Variants in LCOR observed in about 807,000 individuals in gnomAD.
LCOR encodes ligand dependent nuclear receptor corepressor.
In LCOR, 14 loss-of-function variants were observed where a neutral mutation model predicts 64.4. The ratio of observed to expected loss-of-function variants is 0.22; its 90% CI spans 0.14 to 0.34. The LOEUF (loss-of-function observed/expected upper bound fraction) is 0.34. Ranked by LOEUF, LCOR falls within the 10% of genes least tolerant of loss-of-function variation. The pLI is 1.00. For missense variants in LCOR, 1,686 were observed against 1,765.3 expected, an observed-to-expected ratio of 0.96 and a Z score of 0.80; for synonymous variants, 643 against 642.5, an observed-to-expected ratio of 1.00 and a Z score of -0.01.
At chr10:96,877,159 C>CCATTG (rs1463163941) in intron 2 of LCOR, among the ~76,000 whole-genome samples, 2 of 152,042 alleles carry the variant, frequency 1.3e-5, no homozygotes, top group Admixed American at 6.6e-5. Flanking sequence ...GGAAAATAAA[C>CCATTG]TATCTTAAAA....
intron 4 of LCOR, among the ~76,000 whole-genome samples, chr10:96,918,939 CAA>C (rs375420112): frequency 6.6e-6 from 1 of 151,998 alleles, no homozygotes; most frequent in South Asian, 2.1e-4. Flanking sequence ...ACATCAGCAA[CAA>C]AAAAGGTAAA....
chr10:96,855,789 T>C (rs867334588), intron 2 of LCOR, among the ~76,000 whole-genome samples: 6 of 152,164 alleles, frequency 3.9e-5, no homozygotes, highest in African/African-American at 1.4e-4. Flanking sequence ...TTGCCCAGGC[T>C]GGAGTGCAAT....
intron 2 of LCOR, among the ~76,000 whole-genome samples, chr10:96,857,763 A>C (rs1022935595): frequency 6.6e-6 from 1 of 152,154 alleles, no homozygotes; most frequent in Non-Finnish European, 1.5e-5. Flanking sequence ...AAGTGTCTCA[A>C]ATGATGCTTG....
chr10:96,851,008 A>G (rs1419761289), intron 2 of LCOR, among the ~76,000 whole-genome samples: 2 of 152,256 alleles, frequency 1.3e-5, no homozygotes, highest in African/African-American at 2.4e-5. Context: ...GCAGGCATGC[A>G]TAAGAGTAAA....
chr10:96,862,276 T>G (rs114094501), intron 2 of LCOR, among the ~76,000 whole-genome samples: 4,215 of 152,116 alleles, frequency 0.028, 202 homozygotes, highest in African/African-American at 0.096. Flanking sequence ...GATTTTTTTT[T>G]CTTTTCTTTG....
intron 2 of LCOR, among the ~76,000 whole-genome samples, chr10:96,881,332 A>G (rs879275084): frequency 2.6e-5 from 4 of 152,226 alleles, no homozygotes; most frequent in Non-Finnish European, 5.9e-5. Flanking sequence ...CAGTTTAATG[A>G]TGGTTAACTG....
rs542014595 is a variant in LCOR at position 96,989,270 on chromosome 10, G to T, written c.*4136G>T. The T allele has an allele frequency of 6.6e-6, 1 of 152,278 alleles. No homozygotes were observed. Among genetic ancestry groups the T allele is most frequent in the South Asian group, 2.1e-4 (1 of 4,828 alleles). The allele number at this position is 152,278 out of a possible 1,614,324, so 9.4% of individuals were successfully genotyped here. A position where few individuals can be genotyped will look rare whatever the true frequency, so the allele number is the denominator to read the frequency against. Reference sequence around the variant, plus strand: ...TAGGGATTCAGAGTTCTAAAATTATGTGGCCTGGGCCTCTCATTTCACTCA... The same window carrying T: ...TAGGGATTCAGAGTTCTAAAATTATTTGGCCTGGGCCTCTCATTTCACTCA... On this transcript the variant is annotated 3_prime_UTR_variant, in exon 8 of 8. Transcript: ENST00000421806.
At chr10:96,969,967 T>G (rs1289628064) in intron 7 of LCOR, among the ~76,000 whole-genome samples, 2 of 145,014 alleles carry the variant, frequency 1.4e-5, no homozygotes, top group Non-Finnish European at 1.5e-5. Flanking sequence ...TTTTTTTTTT[T>G]TTTTTAGTAG....
At position 96,983,826 on chromosome 10, in the gene LCOR, G is replaced by C; in HGVS notation, c.3366G>C (p.Gln1122His). 6.2e-7 allele frequency: 1 copy of C among 1,614,098 alleles called. No homozygotes were observed. Among genetic ancestry groups the C allele is most frequent in the Non-Finnish European group, 8.5e-7 (1 of 1,180,000 alleles). ...ANFNAQYMKV[Q>H]KGWIQLEKEG... ...TCAATGCCCAGTACATGAAAGTTCA[G>C]AAGGGCTGGATCCAGTTGGAGAAAG... Residue 1122 changes from glutamine to histidine, a missense_variant, in exon 8 of 8, where the codon CAG becomes CAC. Coordinates refer to ENST00000421806, the MANE Select transcript of LCOR (RefSeq NM_001346516.2). This position sits in a 1 kb window ranked among gnomAD's most constrained non-coding sequence, Gnocchi z 4.5.
chr10:96,963,786 A>G (rs1412938733), intron 7 of LCOR: 1 of 152,228 alleles, frequency 6.6e-6, no homozygotes, highest in Non-Finnish European at 1.5e-5. Context: ...TGGTTAACAA[A>G]ATAGATTATT....
At chr10:96,926,079 C>T (rs953847375) in intron 4 of LCOR, among the ~76,000 whole-genome samples, 2 of 152,156 alleles carry the variant, frequency 1.3e-5, no homozygotes, top group Non-Finnish European at 2.9e-5. Flanking sequence ...CTAAATTCAT[C>T]TTGTCCTTTT....
chr10:96,871,073 A>G (rs963495563), intron 2 of LCOR, among the ~76,000 whole-genome samples: 4 of 152,084 alleles, frequency 2.6e-5, no homozygotes, highest in Non-Finnish European at 5.9e-5. Context: ...GTGTATATAT[A>G]AGAGACAGAA....
intron 2 of LCOR, among the ~76,000 whole-genome samples, chr10:96,856,602 A>G (rs1845808923): frequency 6.6e-6 from 1 of 151,902 alleles, no homozygotes; most frequent in African/African-American, 2.4e-5. Context: ...GTGATCAGTG[A>G]GTAGCTGACA....
At chr10:96,920,448 ATATATG>A (rs1359466584) in intron 4 of LCOR, among the ~76,000 whole-genome samples, 14,681 of 127,218 alleles carry the variant, frequency 0.12, 1,973 homozygotes, top group African/African-American at 0.24. Flanking sequence ...ATATGTGTAT[ATATATG>A]TATATTCATA....
At chr10:96,931,117 T>C (rs996663942) in intron 4 of LCOR, among the ~76,000 whole-genome samples, 1 of 152,094 alleles carries the variant, frequency 6.6e-6, no homozygotes, top group Non-Finnish European at 1.5e-5. Flanking sequence ...TGACAAATAT[T>C]ATTTATAATA....
At chr10:96,849,059 GT>G (rs1845681955) in intron 2 of LCOR, among the ~76,000 whole-genome samples, 1 of 21,800 alleles carries the variant, frequency 4.6e-5, no homozygotes. Flanking sequence ...CTGGCTAATT[GT>G]CTTTTTTTTT....
chr10:96,935,139 C>CTTTTTTTTTTTTTTTTTTTTTTTT (rs34176037), intron 4 of LCOR, among the ~76,000 whole-genome samples: 1 of 65,546 alleles, frequency 1.5e-5, no homozygotes, highest in Non-Finnish European at 2.9e-5. Flanking sequence ...GGCTATTTTA[C>CTTTTTTTTTTTTTTTTTTTTTTTT]TTTTTTTTTT....
intron 4 of LCOR, among the ~76,000 whole-genome samples, chr10:96,920,607 CAT>C (rs375038854): frequency 8.0e-5 from 10 of 125,680 alleles, no homozygotes; most frequent in Admixed American, 5.4e-4. Context: ...TATGTATATT[CAT>C]ATATGTGTAT....
At chr10:96,879,599 T>C (rs936678871) in intron 2 of LCOR, among the ~76,000 whole-genome samples, 1 of 152,326 alleles carries the variant, frequency 6.6e-6, no homozygotes, top group East Asian at 1.9e-4. Context: ...TATGAGACCT[T>C]CTGAAATGTA....
Sources: gnomAD v4.1 joint callset for allele counts (sites outside exome capture counted in the v4.1 genomes callset) on GRCh38, gnomAD v4.1.1 for gene constraint, Gnocchi (gnomAD v3.1) non-coding constraint, MANE v1.5 for transcripts, NCBI Gene and HGNC (gene_info 2026-07-23, HGNC 2026-07-21) for gene names.